Variants in ADGRF5 observed in about 807,000 individuals in gnomAD.
ADGRF5 encodes the protein G-protein coupled receptor 116.
ADGRF5 carries 75 observed loss-of-function variants against 132.3 expected under a neutral mutation model. The observed-to-expected ratio is 0.57, with a 90% CI of 0.47 to 0.69. The LOEUF (loss-of-function observed/expected upper bound fraction) is 0.69. ADGRF5 is among the 30% of genes least tolerant of loss of function. The pLI is 0.00. For missense variants in ADGRF5, 1,516 were observed against 1,630.6 expected (o/e 0.93, Z 1.21); for synonymous variants, 629 against 597.6 (o/e 1.05, Z -0.77).
At chr6:46,953,657 A>ATATATATATATATATATATAGATATATG in intron 1 of ADGRF5, among the ~76,000 whole-genome samples, 2 of 43,984 alleles carry the variant, frequency 4.5e-5, no homozygotes, top group South Asian at 1.4e-3. Context: ...ATGTGTATAT[A>ATATATATATATATATATATAGATATATG]TATATATATA....
intron 1 of ADGRF5, among the ~76,000 whole-genome samples, chr6:46,930,204 C>T (rs1402196528): frequency 2.6e-5 from 4 of 152,068 alleles, no homozygotes; most frequent in East Asian, 1.9e-4. Context: ...AAAAGTGTAG[C>T]GAATGGCACC....
At chr6:46,870,105 G>A (rs1770882422) in intron 11 of ADGRF5, among the ~76,000 whole-genome samples, 1 of 151,910 alleles carries the variant, frequency 6.6e-6, no homozygotes, top group Non-Finnish European at 1.5e-5. Context: ...CATTTTGTGA[G>A]CCCACTGATG....
upstream of ADGRF5, among the ~76,000 whole-genome samples, chr6:46,925,077 C>T (rs566173532): frequency 3.1e-4 from 47 of 152,322 alleles, no homozygotes; most frequent in African/African-American, 1.1e-3. Context: ...CAACTCATCT[C>T]CCGTAGTCAG....
At chr6:46,929,543 A>C (rs2150934015) in intron 1 of ADGRF5, among the ~76,000 whole-genome samples, 1 of 151,304 alleles carries the variant, frequency 6.6e-6, no homozygotes, top group African/African-American at 2.4e-5. Context: ...AAGATGAAAA[A>C]AAAAAAAAGA....
In ADGRF5 at chr6:46,859,372, A is replaced by G; in HGVS notation, c.2531T>C (p.Leu844Ser). Residue 844 changes from leucine to serine, a missense_variant, in exon 17 of 21, where the codon TTG becomes TCG. By Grantham distance (145) the Leu-to-Ser change is moderately radical (BLOSUM62 -2). Around this residue, in one of 2 missense-constraint regions of ADGRF5, gnomAD observed 571 missense variants for 701.2 expected, o/e 0.81. Transcript: ENST00000283296. ...CTGCACATTAGTTTGGGAGAAGGAC[A>G]AAGGAGGGCTATCTCCCGACTGTAA... ...QALQSGDSPP[L>S]SFSQTNVQMS... is the part of the protein sequence containing the mutation. 6.2e-7 allele frequency: 1 copy of G among 1,613,896 alleles called. No homozygotes were observed.
intron 3 of ADGRF5, among the ~76,000 whole-genome samples, chr6:46,895,363 C>T (rs2150870677): frequency 6.6e-6 from 1 of 152,032 alleles, no homozygotes; most frequent in South Asian, 2.1e-4. Flanking sequence ...TATCTCACTC[C>T]ACCACCATCA....
At chr6:46,916,320 A>T (rs1180763528) in intron 1 of ADGRF5, among the ~76,000 whole-genome samples, 2 of 152,182 alleles carry the variant, frequency 1.3e-5, no homozygotes, top group Non-Finnish European at 2.9e-5. Flanking sequence ...CGAAAACTGA[A>T]CTTGTCTCCT....
chr6:46,872,395 C>T (rs1020709638), intron 10 of ADGRF5, among the ~76,000 whole-genome samples: 4 of 151,942 alleles, frequency 2.6e-5, no homozygotes, highest in African/African-American at 7.3e-5. Context: ...AGACCATGAG[C>T]GATGGTTTTT....
At position 46,859,403 on chromosome 6, in the gene ADGRF5, G is replaced by T; in HGVS notation, c.2500C>A (p.Gln834Lys). The stretch of plus-strand genomic sequence containing the variant: ...GGGCTATCTCCCGACTGTAATGCTT[G>T]GGAAAATCTTTCCACTGAATGTAGT... ...QLLHSVERFS[Q>K]ALQSGDSPPL... is the part of the protein sequence containing the mutation. Residue 834 changes from glutamine to lysine, a missense_variant, in exon 17 of 21, where the codon CAA becomes AAA. Gln to Lys is a moderately conservative substitution (Grantham distance 53, BLOSUM62 1). Coordinates refer to ENST00000283296, the MANE Select transcript of ADGRF5 (RefSeq NM_001098518.2). The T allele has an allele frequency of 1.9e-6, 3 of 1,613,444 alleles. No homozygotes were observed. The highest frequency in any genetic ancestry group is 1.7e-6 in the Non-Finnish European group (2 of 1,179,428).
chr6:46,914,902 C>T (rs1204420635), intron 1 of ADGRF5, among the ~76,000 whole-genome samples: 1 of 151,892 alleles, frequency 6.6e-6, no homozygotes, highest in Non-Finnish European at 1.5e-5. Flanking sequence ...GACACCCTGG[C>T]TGGAGTGCAA....
At chr6:46,945,110 A>G (rs1005034914) in intron 1 of ADGRF5, among the ~76,000 whole-genome samples, 3 of 152,206 alleles carry the variant, frequency 2.0e-5, no homozygotes, top group African/African-American at 7.2e-5. Context: ...ACCCCACCTC[A>G]GGTGCATGAA....
rs79934119 is a variant in ADGRF5 at position 46,942,193 on chromosome 6, C to A, written c.-25+12541G>T. 3.3e-4 allele frequency among the ~76,000 whole-genome samples: 50 copies of A among 152,316 alleles called. No homozygotes were observed. The East Asian group carries it at 9.1e-3, about 28-fold the overall frequency. ...CCATCACCTCCTCCCCCTGTCAAAG[C>A]ACCTGCTGAACTGCATTACAATGCT... On this transcript the variant is annotated intron_variant, in intron 1 of 20. Coordinates refer to the ADGRF5 transcript ENST00000265417.
intron 1 of ADGRF5, among the ~76,000 whole-genome samples, chr6:46,927,809 C>T (rs770692578): frequency 6.6e-6 from 1 of 152,038 alleles, no homozygotes; most frequent in Non-Finnish European, 1.5e-5. Context: ...TCATAATAGG[C>T]GATAAAGGCC....
chr6:46,922,965 C>G (rs559384796), upstream of ADGRF5, among the ~76,000 whole-genome samples: 13 of 152,320 alleles, frequency 8.5e-5, no homozygotes, highest in African/African-American at 2.9e-4. Context: ...CTCGCTCTGT[C>G]TCCCAGGCTA....
At chr6:46,885,926 T>G (rs981674897) in intron 4 of ADGRF5, among the ~76,000 whole-genome samples, 1 of 152,194 alleles carries the variant, frequency 6.6e-6, no homozygotes, top group African/African-American at 2.4e-5. Context: ...AGATAATAAC[T>G]GTTTGTTATT....
At chr6:46,878,152 G>A (rs770734072) in intron 10 of ADGRF5, 50 bp downstream of exon 10, 2 of 1,160,412 alleles carry the variant, frequency 1.7e-6, no homozygotes. Context: ...ATTTCTACTT[G>A]GCCAAGAGGC....
intron 14 of ADGRF5, 35 bp from the exon 15 acceptor site, chr6:46,863,131 C>A (rs778364006): frequency 3.4e-6 from 5 of 1,465,986 alleles, no homozygotes; most frequent in Non-Finnish European, 1.9e-6. Flanking sequence ...GGGATAATTG[C>A]AAGGAAGAGA....
Position 46,950,601 on chromosome 6 carries a change from G to A in ADGRF5, c.-25+4133C>T, listed in dbSNP as rs1335947395. Among the ~76,000 whole-genome samples the A allele has an allele frequency of 2.6e-5, 4 of 152,096 alleles. No homozygotes were observed. In the South Asian group the frequency reaches 6.2e-4, roughly 24 times the overall value. ...ACAATCTCAGCTCACTGAAACCTCC[G>A]CCTCCCGGGTTCAAGCAATTCTCCT... On this transcript the variant is annotated intron_variant, in intron 1 of 20. Coordinates refer to the ADGRF5 transcript ENST00000265417.
At chr6:46,952,561 G>C (rs797014856) in intron 1 of ADGRF5, among the ~76,000 whole-genome samples, 1 of 152,202 alleles carries the variant, frequency 6.6e-6, no homozygotes, top group Admixed American at 6.5e-5. Context: ...AATATTTGGT[G>C]AGTAAATGAA....
Sources: allele counts gnomAD v4.1 joint callset (sites outside exome capture counted in the v4.1 genomes callset), GRCh38; gene constraint gnomAD v4.1.1; regional missense constraint gnomAD v4.1.1; transcripts MANE v1.5; gene names NCBI Gene and HGNC (gene_info 2026-07-23, HGNC 2026-07-21).